The following USP15 variants were observed in gnomAD, a reference collection of about 807,000 sequenced individuals.
USP15 encodes the protein ubiquitin specific peptidase 15, also known as ubiquitin carboxyl-terminal hydrolase 15.
USP15 carries 18 observed loss-of-function variants against 127.1 expected under a neutral mutation model. That is an observed-to-expected ratio of 0.14 (90% CI 0.10 to 0.21). USP15 has a LOEUF of 0.21. Ranked by LOEUF, USP15 falls within the 10% of genes least tolerant of loss-of-function variation. The pLI is 1.00. For missense variants in USP15, 805 were observed against 1,159.9 expected, an observed-to-expected ratio of 0.69 and a Z score of 4.44; for synonymous variants, 364 against 393.7, an observed-to-expected ratio of 0.92 and a Z score of 0.89.
chr12:62,272,053 A>T (rs1290589043), intron 1 of USP15, among the ~76,000 whole-genome samples: 2 of 150,738 alleles, frequency 1.3e-5, no homozygotes, highest in Non-Finnish European at 3.0e-5. Context: ...TGTGGTACTT[A>T]AAAAAAAAGT....
intron 4 of USP15, among the ~76,000 whole-genome samples, chr12:62,315,551 A>G (rs544863700): frequency 9.2e-5 from 14 of 152,308 alleles, no homozygotes; most frequent in Admixed American, 9.2e-4. Context: ...TTTGTTTCAT[A>G]AAACTCAAGA....
At chr12:62,280,106 A>G (rs1246605879) in intron 1 of USP15, among the ~76,000 whole-genome samples, 1 of 152,224 alleles carries the variant, frequency 6.6e-6, no homozygotes, top group African/African-American at 2.4e-5. Flanking sequence ...AAGTATGCAC[A>G]TGGCTCAAGA....
At chr12:62,360,173 A>G (rs1433760711) in intron 8 of USP15, among the ~76,000 whole-genome samples, 1 of 152,102 alleles carries the variant, frequency 6.6e-6, no homozygotes, top group African/African-American at 2.4e-5. Flanking sequence ...GCATGGCATA[A>G]GATGGTTATT....
intron 8 of USP15, among the ~76,000 whole-genome samples, chr12:62,366,999 G>A (rs761089340): frequency 3.9e-5 from 6 of 152,086 alleles, no homozygotes; most frequent in South Asian, 2.1e-4. Context: ...AGGGATATTG[G>A]CCTGAAATTT....
intron 6 of USP15, chr12:62,336,347 A>G (rs1429490845): frequency 3.0e-5 from 30 of 985,348 alleles, no homozygotes; most frequent in Non-Finnish European, 3.5e-5. Flanking sequence ...CCCTCAACCT[A>G]AACTGTCTTC....
chr12:62,286,210 A>C (rs1216998347), intron 1 of USP15, among the ~76,000 whole-genome samples: 3 of 152,226 alleles, frequency 2.0e-5, no homozygotes, highest in Non-Finnish European at 4.4e-5. Flanking sequence ...CCCATTAAAA[A>C]GTGGACAAAG....
In USP15 at chr12:62,294,295, G is replaced by T. The variant is rs1369528062; in HGVS notation, c.206G>T (p.Gly69Val). 6.2e-6 allele frequency: 10 copies of T among 1,609,632 alleles called. No individual in the cohort carries two copies. In the Admixed American group the frequency reaches 1.7e-4, roughly 27 times the overall value. Residue 69 changes from glycine (G) to valine (V), a missense_variant, in exon 2 of 22, where the codon GGA becomes GTA. Around this residue, in one of 11 missense-constraint regions of USP15, gnomAD observed 69 missense variants for 126.4 expected, o/e 0.55. Coordinates refer to ENST00000280377, the MANE Select transcript of USP15 (RefSeq NM_001252078.2). ...NVYPGPIDNS[G>V]LLKDGDAQSL... ...TATCCTGGACCCATTGATAACTCTGGACTTCTCAAAGGTCATTATTTTCTT... is the reference window on the plus strand; with the variant it reads ...TATCCTGGACCCATTGATAACTCTGTACTTCTCAAAGGTCATTATTTTCTT...
At chr12:62,287,859 G>C (rs1336413992) in intron 1 of USP15, among the ~76,000 whole-genome samples, 2 of 152,066 alleles carry the variant, frequency 1.3e-5, no homozygotes, top group African/African-American at 4.8e-5. Context: ...TCCTTTCCCA[G>C]CGAATGTTTT....
At chr12:62,300,356 T>A (rs532767826) in intron 2 of USP15, among the ~76,000 whole-genome samples, 2 of 152,192 alleles carry the variant, frequency 1.3e-5, no homozygotes, top group South Asian at 4.1e-4. Context: ...AACTTCATCC[T>A]TTTGCATGTG....
intron 6 of USP15, among the ~76,000 whole-genome samples, chr12:62,331,723 T>A (rs2065308642): frequency 6.6e-6 from 1 of 152,156 alleles, no homozygotes; most frequent in African/African-American, 2.4e-5. Context: ...AAATGCTAAA[T>A]ATTCAAAAAA....
At chr12:62,361,393 T>C (rs959909043) in intron 8 of USP15, among the ~76,000 whole-genome samples, 1 of 152,036 alleles carries the variant, frequency 6.6e-6, no homozygotes, top group African/African-American at 2.4e-5. Flanking sequence ...AATTCTGTAG[T>C]AGGAAAATGA....
At chr12:62,283,864 C>T (rs2063721717) in intron 1 of USP15, among the ~76,000 whole-genome samples, 1 of 152,128 alleles carries the variant, frequency 6.6e-6, no homozygotes, top group Non-Finnish European at 1.5e-5. Context: ...ATTGCTTGAA[C>T]CTGGGAAGTG....
chr12:62,322,597 T>C (rs2065015070), intron 5 of USP15, among the ~76,000 whole-genome samples: 2 of 152,182 alleles, frequency 1.3e-5, no homozygotes, highest in Admixed American at 1.3e-4. Flanking sequence ...TCCAGGCTCT[T>C]GTATGTCTGT....
intron 6 of USP15, among the ~76,000 whole-genome samples, chr12:62,340,997 G>T (rs906175841): frequency 3.9e-5 from 6 of 152,118 alleles, no homozygotes; most frequent in African/African-American, 1.4e-4. Flanking sequence ...CACTATTATT[G>T]CATGGGAGTC....
intron 9 of USP15, among the ~76,000 whole-genome samples, chr12:62,382,680 A>T (rs905211139): frequency 6.6e-6 from 1 of 151,894 alleles, no homozygotes; most frequent in Non-Finnish European, 1.5e-5. Flanking sequence ...TTTCAGTCTC[A>T]TCCAAAAACA....
chr12:62,282,611 C>A (rs139208378), intron 1 of USP15, among the ~76,000 whole-genome samples: 1,639 of 152,268 alleles, frequency 0.011, 16 homozygotes, highest in Middle Eastern at 0.027. Flanking sequence ...ATGTGTGCTG[C>A]ATAGCATGAT....
intron 3 of USP15, among the ~76,000 whole-genome samples, chr12:62,307,728 A>G (rs1435134994): frequency 1.3e-5 from 2 of 152,124 alleles, no homozygotes; most frequent in Admixed American, 6.6e-5. Flanking sequence ...CATGGACACT[A>G]TACACTACCT....
chr12:62,413,513 T>C lies in USP15; in HGVS notation c.*9138T>C, dbSNP rs2068085164. ...ATCTTCTGGATAACTTGCTGTAGTT[T>C]CTACTTTAGCAGTTGCTGCTTCACC... On this transcript the variant is annotated 3_prime_UTR_variant, in exon 22 of 22. Coordinates refer to ENST00000280377, the MANE Select transcript of USP15 (RefSeq NM_001252078.2). 6.6e-6 allele frequency: 1 copy of C among 152,232 alleles called. No homozygotes were observed. The highest frequency in any genetic ancestry group is 2.4e-5 in the African/African-American group (1 of 41,454). The allele number at this position is 152,232 out of a possible 1,614,324, so 9.4% of individuals were successfully genotyped here.
intron 3 of USP15, among the ~76,000 whole-genome samples, chr12:62,310,832 T>G (rs2064652185): frequency 1.3e-5 from 2 of 152,066 alleles, no homozygotes; most frequent in Non-Finnish European, 2.9e-5. Flanking sequence ...TGTACTAGTT[T>G]ACATTCCCAT....
Sources: allele counts gnomAD v4.1 joint callset (sites outside exome capture counted in the v4.1 genomes callset), GRCh38; gene constraint gnomAD v4.1.1; regional missense constraint gnomAD v4.1.1; transcripts MANE v1.5; gene names NCBI Gene and HGNC (gene_info 2026-07-23, HGNC 2026-07-21).